The following PSME4 variants were observed in gnomAD, a reference collection of about 807,000 sequenced individuals.
The protein encoded by PSME4 is proteasome activator complex subunit 4.
Under a neutral mutation model 253.9 loss-of-function variants are expected in PSME4, and 89 were observed. That is an observed-to-expected ratio of 0.35 (90% confidence interval 0.30 to 0.42). The LOEUF is 0.42. Ranked by LOEUF, PSME4 falls within the 10% of genes least tolerant of loss-of-function variation. PSME4 has a pLI of 1.00. For synonymous variants in PSME4, 851 were observed against 759.2 expected, an observed-to-expected ratio of 1.12 and a Z score of -1.99; for missense variants, 2,014 against 2,195.2, an observed-to-expected ratio of 0.92 and a Z score of 1.65.
intron 8 of PSME4, among the ~76,000 whole-genome samples, chr2:53,934,228 C>T (rs989925285): frequency 2.0e-5 from 3 of 152,124 alleles, no homozygotes; most frequent in African/African-American, 7.2e-5. Flanking sequence ...ATGTTCAATG[C>T]AATGTTTTAT....
intron 20 of PSME4, among the ~76,000 whole-genome samples, chr2:53,916,631 A>C (rs1206197520): frequency 6.6e-6 from 1 of 152,252 alleles, no homozygotes; most frequent in East Asian, 1.9e-4. Flanking sequence ...AGTTTTTTCA[A>C]ATCAATTTAG....
At chr2:53,914,595 T>C (rs1667971416) in intron 20 of PSME4, among the ~76,000 whole-genome samples, 1 of 152,192 alleles carries the variant, frequency 6.6e-6, no homozygotes, top group Non-Finnish European at 1.5e-5. Context: ...GTATAAGATA[T>C]TTAGTGGCCA....
At chr2:53,874,315 C>T (rs200234545) in intron 43 of PSME4, 24 bp downstream of exon 43, 30 of 1,593,710 alleles carry the variant, frequency 1.9e-5, no homozygotes, top group African/African-American at 9.5e-5. Flanking sequence ...ACTGAATTTC[C>T]GTTTTCTATA....
At chr2:53,933,517 C>T (rs1002603565) in intron 8 of PSME4, among the ~76,000 whole-genome samples, 4 of 151,878 alleles carry the variant, frequency 2.6e-5, no homozygotes, top group Admixed American at 2.6e-4. Flanking sequence ...GGAGCTAATA[C>T]CATAGGCATG....
rs555577573 is a variant in PSME4, at chr2:53,896,899, A to T, written c.3607-14T>A. On this transcript the variant is annotated splice_polypyrimidine_tract_variant and intron_variant, in intron 31 of 46. Coordinates refer to ENST00000404125, the MANE Select transcript of PSME4 (RefSeq NM_014614.3). ...TGAGATAGCCATCTAGAAAAGGAAA[A>T]AGGTACACATTCATAAAAAAAAGTT... The T allele has an allele frequency of 1.8e-5, 28 of 1,588,130 alleles. 1 individual carries two copies. The South Asian group carries it at 2.8e-4, about 16-fold the overall frequency.
chr2:53,887,015 G>T (rs1359695484), intron 40 of PSME4, among the ~76,000 whole-genome samples: 1 of 152,194 alleles, frequency 6.6e-6, no homozygotes, highest in Non-Finnish European at 1.5e-5. Context: ...ATGAGGAGCT[G>T]TTGTTAAAGG....
intron 41 of PSME4, among the ~76,000 whole-genome samples, 200 bp downstream of exon 41, chr2:53,885,490 C>T (rs1679595591): frequency 1.3e-5 from 2 of 152,262 alleles, no homozygotes; most frequent in South Asian, 4.1e-4. Flanking sequence ...CTGTCAAAAT[C>T]CTGCTATCAC....
At chr2:53,948,308 A>T in intron 3 of PSME4, 113 bp downstream of exon 3, 3 of 717,050 alleles carry the variant, frequency 4.2e-6, no homozygotes, top group Non-Finnish European at 7.4e-6. Flanking sequence ...AGAAATAGGC[A>T]CATTAAAATA....
At chr2:53,894,622 C>T (rs931607304) in intron 34 of PSME4, among the ~76,000 whole-genome samples, 1 of 152,218 alleles carries the variant, frequency 6.6e-6, no homozygotes, top group Non-Finnish European at 1.5e-5. Flanking sequence ...GGAGTTTTAA[C>T]TGAAATCTAC....
At chr2:53,920,511 C>G (rs1668264996) in intron 18 of PSME4, among the ~76,000 whole-genome samples, 161 bp from the exon 19 acceptor site, 1 of 152,168 alleles carries the variant, frequency 6.6e-6, no homozygotes, top group East Asian at 1.9e-4. Flanking sequence ...AAAACAACAT[C>G]TTACTGCCTC....
intron 1 of PSME4, among the ~76,000 whole-genome samples, chr2:53,966,791 C>T (rs927091969): frequency 2.0e-5 from 3 of 152,092 alleles, no homozygotes; most frequent in Non-Finnish European, 4.4e-5. Flanking sequence ...CCTCCACCTC[C>T]CAGATTCAAG....
In PSME4 at chr2:53,955,479, C is replaced by T. The variant is rs78039395; in HGVS notation, c.243-6196G>A. On this transcript the variant is annotated intron_variant, in intron 1 of 46. Transcript: ENST00000404125. ...GGGCCAGGGAGGCTAAAAGATTAGA[C>T]ACCCATGCTTTAGACTATAATGCAG... Among the ~76,000 whole-genome samples the T allele has an allele frequency of 6.4e-3, 970 of 152,260 alleles. 11 individuals are homozygous for T. Among genetic ancestry groups the T allele is most frequent in the African/African-American group, 0.022 (918 of 41,542 alleles).
chr2:53,942,183 T>C (rs1250651072), intron 3 of PSME4: 1 of 152,620 alleles, frequency 6.6e-6, no homozygotes, highest in East Asian at 1.9e-4. Context: ...TAGTGACCTT[T>C]TGTGATTCTT....
chr2:53,868,531 A>G (rs28694200), intron 44 of PSME4, among the ~76,000 whole-genome samples: 2 of 55,460 alleles, frequency 3.6e-5, no homozygotes, highest in Non-Finnish European at 3.7e-5. Flanking sequence ...TAATATATAT[A>G]ATATATATTA....
chr2:53,908,128 G>A, intron 24 of PSME4, 192 bp downstream of exon 24: 1 of 544,642 alleles, frequency 1.8e-6, no homozygotes, highest in Non-Finnish European at 3.2e-6. Context: ...AGAAGATTCT[G>A]TATAAGAAAA....
chr2:53,918,491 G>A (rs1668157224), intron 20 of PSME4, among the ~76,000 whole-genome samples: 1 of 151,980 alleles, frequency 6.6e-6, no homozygotes, highest in South Asian at 2.1e-4. Context: ...ACAGGTATGC[G>A]CCACCACGTC....
chr2:53,893,751 G>C lies in PSME4; in HGVS notation c.3961C>G (p.Gln1321Glu), dbSNP rs143326925. Reference sequence around the variant, plus strand: ...TCTAATGATAGAAAAGTAATTAACTGCTCAACAAATTTAGGATCAGAAAAA... The same window carrying C: ...TCTAATGATAGAAAAGTAATTAACTCCTCAACAAATTTAGGATCAGAAAAA... ...DHFSDPKFVEQLITFLSLEDR... is the reference protein window; with the variant it reads ...DHFSDPKFVEELITFLSLEDR... The change falls in exon 35 of 47, where the codon CAG becomes GAG. Residue 1321 changes from glutamine to glutamate, a missense_variant. Coordinates refer to ENST00000404125, the MANE Select transcript of PSME4 (RefSeq NM_014614.3). 5.6e-6 allele frequency: 9 copies of C among 1,610,434 alleles called. No homozygotes were observed. The African/African-American group carries it at 1.1e-4, about 19-fold the overall frequency.
intron 1 of PSME4, among the ~76,000 whole-genome samples, chr2:53,963,792 G>A (rs1670596113): frequency 6.6e-6 from 1 of 152,142 alleles, no homozygotes; most frequent in African/African-American, 2.4e-5. Context: ...AGTGATAATA[G>A]ATGTTAATTT....
chr2:53,876,642 A>G (rs147510298), intron 41 of PSME4, among the ~76,000 whole-genome samples: 662 of 151,670 alleles, frequency 4.4e-3, no homozygotes, highest in African/African-American at 0.015. Flanking sequence ...TCTGTCCTCC[A>G]AAAGTAGATA....
Sources: allele counts gnomAD v4.1 joint callset (sites outside exome capture counted in the v4.1 genomes callset), GRCh38; gene constraint gnomAD v4.1.1; transcripts MANE v1.5; gene names NCBI Gene and HGNC (gene_info 2026-07-23, HGNC 2026-07-21).